Variants in MYT1L observed in about 807,000 individuals in gnomAD.
MYT1L encodes myelin transcription factor 1-like protein.
In MYT1L, 12 loss-of-function variants were observed where a neutral mutation model predicts 126.7. The ratio of observed to expected loss-of-function variants is 0.09; its 90% CI spans 0.06 to 0.15. MYT1L has a LOEUF of 0.15. MYT1L is among the 10% of genes least tolerant of loss of function. MYT1L has a pLI of 1.00. For missense variants in MYT1L, 979 were observed against 1,585.2 expected, an observed-to-expected ratio of 0.62 and a Z score of 6.49; for synonymous variants, 541 against 604.2, an observed-to-expected ratio of 0.90 and a Z score of 1.53.
At chr2:1,957,930 T>G (rs540750917) in intron 8 of MYT1L, among the ~76,000 whole-genome samples, 8 of 152,314 alleles carry the variant, frequency 5.3e-5, no homozygotes, top group African/African-American at 1.9e-4. Flanking sequence ...CGAGCTGTTT[T>G]GCTGAAAAGG....
chr2:1,930,128 T>C (rs2054757895), intron 9 of MYT1L, among the ~76,000 whole-genome samples: 1 of 152,106 alleles, frequency 6.6e-6, no homozygotes, highest in Non-Finnish European at 1.5e-5. Flanking sequence ...CTAATTTGAG[T>C]AAGCGCTCAG....
chr2:1,935,407 C>T (rs1340302155), intron 9 of MYT1L, among the ~76,000 whole-genome samples: 1 of 152,138 alleles, frequency 6.6e-6, no homozygotes, highest in African/African-American at 2.4e-5. Flanking sequence ...ACATGATATA[C>T]TTGCTGCGTG....
Position 1,791,572 on chromosome 2 carries a change from T to C in MYT1L, c.*295A>G, listed in dbSNP as rs1572248231. On this transcript the variant is annotated 3_prime_UTR_variant, in exon 25 of 25. Transcript: ENST00000647738. The surrounding 1 kb of genome is among the most constrained non-coding windows in gnomAD (Gnocchi z 6.0). ...TTACACTCTATTTATTTTGATCAGC[T>C]TACCTCTTCAGAAATAGATATACCC... 1 of 390,848 alleles carries C rather than the reference T, an allele frequency of 2.6e-6. No homozygotes were observed. The highest frequency in any genetic ancestry group is 5.3e-5 in the East Asian group (1 of 18,704). The allele number at this position is 390,848 out of a possible 1,614,324, so 24.2% of individuals were successfully genotyped here. A position where few individuals can be genotyped will look rare whatever the true frequency, so the allele number is the denominator to read the frequency against.
intron 1 of MYT1L, among the ~76,000 whole-genome samples, chr2:2,312,314 T>C (rs952189107): frequency 1.1e-4 from 16 of 152,174 alleles, no homozygotes; most frequent in African/African-American, 3.9e-4. Flanking sequence ...CTCTTTCACC[T>C]GCATGCACTT....
chr2:1,863,143 A>C (rs1217406583), intron 18 of MYT1L, among the ~76,000 whole-genome samples: 1 of 152,130 alleles, frequency 6.6e-6, no homozygotes, highest in East Asian at 1.9e-4. Flanking sequence ...TCTTGGAGAG[A>C]AAAACAGGGC....
rs1344556839 is a variant in MYT1L at position 2,042,082 on chromosome 2, G to A, written c.-158+11896C>T. Among the ~76,000 whole-genome samples the A allele has an allele frequency of 2.6e-5, 4 of 152,126 alleles. No homozygotes were observed. The East Asian group carries it at 7.7e-4, about 29-fold the overall frequency. On this transcript the variant is annotated intron_variant, in intron 4 of 24. Coordinates refer to ENST00000647738, the MANE Select transcript of MYT1L (RefSeq NM_001303052.2). Reference sequence around the variant, plus strand: ...TGTTTAAAGCCAGAGACATTCAGTGGCAAGGGAAGGGCACCCTCTCGAGGG... The same window carrying A: ...TGTTTAAAGCCAGAGACATTCAGTGACAAGGGAAGGGCACCCTCTCGAGGG...
intron 2 of MYT1L, among the ~76,000 whole-genome samples, chr2:2,187,544 G>T (rs2092300852): frequency 6.6e-6 from 1 of 151,684 alleles, no homozygotes; most frequent in South Asian, 2.1e-4. Context: ...TCGCCCCCGT[G>T]GAAAGGAACA....
At chr2:2,091,170 C>T (rs2076881041) in intron 3 of MYT1L, among the ~76,000 whole-genome samples, 2 of 152,182 alleles carry the variant, frequency 1.3e-5, no homozygotes, top group Admixed American at 6.5e-5. Flanking sequence ...TCAGAGAAAT[C>T]ACTATCCATA....
At chr2:2,327,522 C>T (rs531861847) in intron 1 of MYT1L, among the ~76,000 whole-genome samples, 40 of 152,244 alleles carry the variant, frequency 2.6e-4, no homozygotes, top group Admixed American at 2.6e-3. Flanking sequence ...TAGGAAAATG[C>T]ATAACATCAT....
intron 18 of MYT1L, among the ~76,000 whole-genome samples, chr2:1,861,765 G>A (rs2044665438): frequency 6.6e-6 from 1 of 152,204 alleles, no homozygotes; most frequent in Non-Finnish European, 1.5e-5. Context: ...TACTCCTCCA[G>A]CCTGTGTAAT....
intron 2 of MYT1L, among the ~76,000 whole-genome samples, chr2:2,241,054 A>G (rs919829971): frequency 5.9e-4 from 90 of 152,126 alleles, no homozygotes; most frequent in African/African-American, 1.9e-3. Context: ...TCATGCTGCA[A>G]TATGTTAGCC....
intron 2 of MYT1L, among the ~76,000 whole-genome samples, chr2:2,192,225 G>A (rs922684641): frequency 5.9e-5 from 9 of 152,214 alleles, no homozygotes; most frequent in South Asian, 4.1e-4. Context: ...TAAAACATGC[G>A]GTGCTGATGC....
intron 8 of MYT1L, among the ~76,000 whole-genome samples, chr2:1,951,057 G>A (rs2057704915): frequency 6.6e-6 from 1 of 152,124 alleles, no homozygotes; most frequent in African/African-American, 2.4e-5. Flanking sequence ...GGGAGACTCA[G>A]GTCTTTGCTG....
chr2:1,966,448 T>C lies in MYT1L; in HGVS notation c.152+12717A>G, dbSNP rs375125860. Among the ~76,000 whole-genome samples the C allele has an allele frequency of 4.6e-5, 7 of 152,310 alleles. 1 individual carries two copies. The South Asian group carries it at 1.0e-3, about 23-fold the overall frequency. On this transcript the variant is annotated intron_variant, in intron 8 of 24. Transcript: ENST00000647738. The stretch of plus-strand genomic sequence containing the variant: ...ATAACAGGGACATCCTTTGATTCCA[T>C]TGATGTGGGTGTAAACAGGTCTGAT...
In MYT1L at chr2:2,316,469, A is replaced by T. The variant is rs137958898; in HGVS notation, c.-521+14498T>A. Among the ~76,000 whole-genome samples the T allele has an allele frequency of 3.5e-3, 531 of 152,362 alleles. 5 individuals carry two copies. The highest frequency in any genetic ancestry group is 0.012 in the African/African-American group (494 of 41,590). On this transcript the variant is annotated intron_variant, in intron 1 of 24. Transcript: ENST00000647738. ...CTGCCTTTAAAAAGAAAGGTAAGAC[A>T]TAAAGCCAATGGGGCTATTTCCTTA... is the stretch of plus-strand genomic sequence containing the variant.
chr2:2,176,723 TC>T (rs2090839115), intron 2 of MYT1L, among the ~76,000 whole-genome samples: 1 of 152,116 alleles, frequency 6.6e-6, no homozygotes, highest in South Asian at 2.1e-4. Context: ...GGTCTCAAAC[TC>T]CTGACCTTAA....
chr2:2,040,596 T>A (rs2067421522), intron 4 of MYT1L, among the ~76,000 whole-genome samples: 1 of 152,210 alleles, frequency 6.6e-6, no homozygotes, highest in Non-Finnish European at 1.5e-5. Flanking sequence ...TCCACATTTT[T>A]AAGTTCTGGA....
At position 2,015,062 on chromosome 2, in the gene MYT1L, T is replaced by G. The variant is rs193208965; in HGVS notation, c.-157-17715A>C. ...TTCGGCCCTAATTCAAAATGCAAAT[T>G]TTCTAGCTGGGCTGGCACTTGTATC... On this transcript the variant is annotated intron_variant, in intron 4 of 24. Coordinates refer to ENST00000647738, the MANE Select transcript of MYT1L (RefSeq NM_001303052.2). Among the ~76,000 whole-genome samples, 1,303 of 152,276 alleles carry G rather than the reference T, an allele frequency of 8.6e-3. 5 individuals are homozygous for G. Among genetic ancestry groups the G allele is most frequent in the Non-Finnish European group, 0.012 (783 of 68,016 alleles).
intron 8 of MYT1L, among the ~76,000 whole-genome samples, chr2:1,964,392 C>T (rs141316915): frequency 0.019 from 2,950 of 152,270 alleles, 150 homozygotes; most frequent in Admixed American, 0.13. Flanking sequence ...TGAGTGAGCA[C>T]GTGCTGTTAG....
Sources: gnomAD v4.1 joint callset for allele counts (sites outside exome capture counted in the v4.1 genomes callset) on GRCh38, gnomAD v4.1.1 for gene constraint, Gnocchi (gnomAD v3.1) non-coding constraint, MANE v1.5 for transcripts, NCBI Gene and HGNC (gene_info 2026-07-23, HGNC 2026-07-21) for gene names.